The following FETUB variants were observed in gnomAD, a reference collection of about 807,000 sequenced individuals.
FETUB encodes the protein fetuin-B.
Under a neutral mutation model 30.9 loss-of-function variants are expected in FETUB, and 28 were observed. That is an observed-to-expected ratio of 0.90 (90% CI 0.67 to 1.24). The LOEUF (loss-of-function observed/expected upper bound fraction) is 1.24, where lower values mean the gene tolerates loss of function less well. Among genes scored for constraint, FETUB ranks in the 50% most tolerant of loss-of-function variants. The pLI is 0.00. For synonymous variants in FETUB, 186 were observed against 175.9 expected, an observed-to-expected ratio of 1.06 and a Z score of -0.45; for missense variants, 469 against 455.3, an observed-to-expected ratio of 1.03 and a Z score of -0.27.
chr3:186,648,135 A>T (rs571967938), intron 5 of FETUB, among the ~76,000 whole-genome samples: 1 of 152,344 alleles, frequency 6.6e-6, no homozygotes, highest in African/African-American at 2.4e-5. Context: ...CCCTATATGT[A>T]GGCCTATGAC....
At position 186,652,714 on chromosome 3, in the gene FETUB, G is replaced by A. The variant is rs1166973826; in HGVS notation, c.*83G>A. ...GGGACGATGGACAGAGACAGAGCGTGCACACGTAGAGTGGCTAGTGAAGGA... is the reference window on the plus strand; with the variant it reads ...GGGACGATGGACAGAGACAGAGCGTACACACGTAGAGTGGCTAGTGAAGGA... On this transcript the variant is annotated 3_prime_UTR_variant, in exon 7 of 7. Coordinates refer to ENST00000265029, the MANE Select transcript of FETUB (RefSeq NM_014375.3). 2.7e-6 allele frequency: 4 copies of A among 1,485,062 alleles called. No individual in the cohort carries two copies. Among genetic ancestry groups the A allele is most frequent in the Admixed American group, 2.3e-5 (1 of 44,252 alleles). The allele number at this position is 1,485,062 out of a possible 1,614,324, so 92.0% of individuals were successfully genotyped here. A position where few individuals can be genotyped will look rare whatever the true frequency, so the allele number is the denominator to read the frequency against.
intron 3 of FETUB, among the ~76,000 whole-genome samples, chr3:186,644,054 A>C (rs1032499922): frequency 2.0e-5 from 3 of 152,222 alleles, no homozygotes; most frequent in African/African-American, 7.2e-5. Flanking sequence ...TTCCATATAT[A>C]TACTGTATTG....
At chr3:186,644,184 C>T (rs542347026) in intron 3 of FETUB, among the ~76,000 whole-genome samples, 2 of 152,266 alleles carry the variant, frequency 1.3e-5, no homozygotes, top group African/African-American at 2.4e-5. Context: ...CTGTAGTCAT[C>T]CTACAGTGGT....
chr3:186,645,605 G>A (rs994233094), intron 4 of FETUB, among the ~76,000 whole-genome samples: 1 of 151,922 alleles, frequency 6.6e-6, no homozygotes, highest in East Asian at 1.9e-4. Context: ...CAGGATTACA[G>A]GCATGAACCA....
intron 1 of FETUB, 100 bp from the exon 2 acceptor site, chr3:186,640,930 T>C (rs2108514994): frequency 2.6e-6 from 2 of 766,064 alleles, no homozygotes; most frequent in Non-Finnish European, 4.4e-6. Flanking sequence ...TCTTCACAAA[T>C]ATTCTTTGGC....
intron 6 of FETUB, 96 bp downstream of exon 6, chr3:186,651,397 C>A: frequency 2.4e-6 from 2 of 824,964 alleles, no homozygotes; most frequent in Non-Finnish European, 4.1e-6. Context: ...ATTTTCCCAA[C>A]CACCTTGCTC....
At chr3:186,636,431 G>C (rs550173505), upstream of FETUB, among the ~76,000 whole-genome samples, 1 of 152,356 alleles carries the variant, frequency 6.6e-6, no homozygotes, top group South Asian at 2.1e-4. Context: ...GAGTGGCGGA[G>C]CTGGGATTTG....
intron 6 of FETUB, 55 bp downstream of exon 6, chr3:186,651,356 G>T (rs148064739): frequency 8.8e-7 from 1 of 1,137,928 alleles, no homozygotes; most frequent in Non-Finnish European, 1.3e-6. Flanking sequence ...ATTATCGATA[G>T]TTACCTGCCA....
chr3:186,651,097 C>A, intron 5 of FETUB, 121 bp from the exon 6 acceptor site: 1 of 679,488 alleles, frequency 1.5e-6, no homozygotes. Context: ...CAGAGTCTAC[C>A]TGTTACATAG....
In FETUB at chr3:186,651,148, G is replaced by C. The variant is rs953025542; in HGVS notation, c.697-70G>C. ...GTTGATTGGCTGTGTATCTACACAAGTAGAAAGCTAGTTGATTTCCATCTG... is the reference window on the plus strand; with the variant it reads ...GTTGATTGGCTGTGTATCTACACAACTAGAAAGCTAGTTGATTTCCATCTG... On this transcript the variant is annotated intron_variant, in intron 5 of 6. Coordinates refer to ENST00000265029, the MANE Select transcript of FETUB (RefSeq NM_014375.3). 4.9e-5 allele frequency: 50 copies of C among 1,012,732 alleles called. No homozygotes were observed. The African/African-American group carries it at 6.9e-4, about 14-fold the overall frequency. The allele number at this position is 1,012,732 out of a possible 1,614,324, so 62.7% of individuals were successfully genotyped here. A position where few individuals can be genotyped will look rare whatever the true frequency, so the allele number is the denominator to read the frequency against.
chr3:186,641,260 C>T, intron 2 of FETUB, 120 bp downstream of exon 2: 1 of 660,528 alleles, frequency 1.5e-6, no homozygotes, highest in Non-Finnish European at 2.7e-6. Context: ...TTTATAATCT[C>T]CTGGCAGGTG....
chr3:186,652,769 T>A lies in FETUB; in HGVS notation c.*138T>A, dbSNP rs1275408570. On this transcript the variant is annotated 3_prime_UTR_variant, in exon 7 of 7. Transcript: ENST00000265029. ...TTTTTGACTCTTCTTGGTCTCAGCA[T>A]GTTGACTGGGATTGGAAATAATGAG... 10 of 1,023,814 alleles carry A rather than the reference T, an allele frequency of 9.8e-6. No homozygotes were observed. In the East Asian group the frequency reaches 2.6e-4, roughly 27 times the overall value. 63.4% of individuals were successfully genotyped at this position (1,023,814 alleles called of 1,614,324 possible). A position where few individuals can be genotyped will look rare whatever the true frequency, so the allele number is the denominator to read the frequency against.
upstream of FETUB, among the ~76,000 whole-genome samples, chr3:186,636,870 C>G (rs530151826): frequency 2.6e-5 from 4 of 152,344 alleles, no homozygotes; most frequent in East Asian, 5.8e-4. Flanking sequence ...GTTCTTCCTT[C>G]AAGCTCCAGA....
In FETUB at chr3:186,640,657, G is replaced by A. The variant is rs148983576; in HGVS notation, c.197G>A (p.Arg66Gln). Residue 66 changes from arginine to glutamine, a missense_variant, in exon 1 of 7, where the codon CGA becomes CAA. Arg to Gln is a conservative substitution (Grantham distance 43). Coordinates refer to ENST00000265029, the MANE Select transcript of FETUB (RefSeq NM_014375.3). ...RKDGYVLRLN[R>Q]VNDAQEYRRG... ...GATGGCTATGTGCTGAGACTCAACC[G>A]AGTGAACGACGCCCAGGAATACAGA... is the stretch of plus-strand genomic sequence containing the variant. 2.5e-4 allele frequency: 403 copies of A among 1,614,074 alleles called. 1 individual carries two copies. Among genetic ancestry groups the A allele is most frequent in the African/African-American group, 7.1e-4 (53 of 75,024 alleles).
chr3:186,651,527 G>A (rs1718038716), intron 6 of FETUB: 1 of 518,598 alleles, frequency 1.9e-6, no homozygotes, highest in Non-Finnish European at 3.5e-6. Flanking sequence ...TCAGAAACAG[G>A]GAACTGCTGG....
intron 5 of FETUB, among the ~76,000 whole-genome samples, chr3:186,648,349 CT>C (rs1717720389): frequency 6.6e-6 from 1 of 152,182 alleles, no homozygotes; most frequent in African/African-American, 2.4e-5. Context: ...TTGATCTACA[CT>C]TCTAAGCTTA....
At chr3:186,651,502 A>G in intron 6 of FETUB, 1 of 553,278 alleles carries the variant, frequency 1.8e-6, no homozygotes, top group South Asian at 2.2e-5. Flanking sequence ...GTCCTGCAGA[A>G]TAAGCAAGAC....
intron 3 of FETUB, 47 bp downstream of exon 3, chr3:186,642,605 G>T: frequency 8.6e-7 from 1 of 1,167,740 alleles, no homozygotes. Context: ...GGATGGAAAA[G>T]AGTACTTAAC....
At chr3:186,636,859 T>C (rs1041976065), upstream of FETUB, among the ~76,000 whole-genome samples, 1 of 152,242 alleles carries the variant, frequency 6.6e-6, no homozygotes, top group Non-Finnish European at 1.5e-5. Context: ...AGGCATACTC[T>C]GTTCTTCCTT....
Sources: allele counts gnomAD v4.1 joint callset (sites outside exome capture counted in the v4.1 genomes callset), GRCh38; gene constraint gnomAD v4.1.1; transcripts MANE v1.5; gene names NCBI Gene and HGNC (gene_info 2026-07-23, HGNC 2026-07-21).